Variants in TRIM37 observed in about 807,000 individuals in gnomAD.
The protein encoded by TRIM37 is E3 ubiquitin-protein ligase TRIM37.
TRIM37 carries 80 observed loss-of-function variants against 129.8 expected under a neutral mutation model. The observed-to-expected ratio is 0.62, with a 90% CI of 0.51 to 0.74. TRIM37 has a LOEUF of 0.74. TRIM37 is among the 30% of genes least tolerant of loss of function. TRIM37 has a pLI of 0.00. For synonymous variants in TRIM37, 389 were observed against 387.1 expected (o/e 1.00, Z -0.06); for missense variants, 1,054 against 1,176.5 (o/e 0.90, Z 1.52).
intron 5 of TRIM37, among the ~76,000 whole-genome samples, chr17:59,083,773 T>A (rs182029094): frequency 6.6e-6 from 1 of 152,160 alleles, no homozygotes; most frequent in Non-Finnish European, 1.5e-5. Context: ...ATAGAGGATA[T>A]GTTTTATAGG....
At chr17:58,970,707 A>C in the TRIM37 span, among the ~76,000 whole-genome samples, 1 of 152,152 alleles carries the variant, frequency 6.6e-6, no homozygotes, top group Non-Finnish European at 1.5e-5. Flanking sequence ...CAAATCCAAC[A>C]GTAACCAGTA....
intron 19 of TRIM37, 136 bp from the exon 20 acceptor site, chr17:59,017,560 G>A (rs933120814): frequency 2.8e-5 from 33 of 1,193,496 alleles, no homozygotes; most frequent in Admixed American, 5.6e-5. Flanking sequence ...ACAACATTCT[G>A]TAGCCCCAAT....
intron 17 of TRIM37, among the ~76,000 whole-genome samples, chr17:59,040,061 T>A (rs1202785550): frequency 4.0e-5 from 6 of 151,876 alleles, no homozygotes; most frequent in African/African-American, 1.4e-4. Context: ...AGCCACCACA[T>A]CTGGCTAATT....
chr17:59,062,516 C>G (rs2082635226), intron 11 of TRIM37, 51 bp downstream of exon 11: 1 of 1,471,938 alleles, frequency 6.8e-7, no homozygotes, highest in Non-Finnish European at 9.5e-7. Context: ...CTACAGAACT[C>G]TGAAAGAAAG....
chr17:59,093,928 T>A (rs1213322998), intron 2 of TRIM37, among the ~76,000 whole-genome samples: 1 of 152,116 alleles, frequency 6.6e-6, no homozygotes, highest in Non-Finnish European at 1.5e-5. Context: ...AGAGTCTCAC[T>A]CCCTCCCCCA....
At chr17:59,045,970 C>G (rs148137891) in intron 16 of TRIM37, among the ~76,000 whole-genome samples, 3 of 151,536 alleles carry the variant, frequency 2.0e-5, no homozygotes, top group African/African-American at 7.3e-5. Context: ...GAGCCAAGAT[C>G]GTGACACTGC....
chr17:58,971,750 T>G, the TRIM37 span, among the ~76,000 whole-genome samples: 1 of 152,122 alleles, frequency 6.6e-6, no homozygotes, highest in Non-Finnish European at 1.5e-5. Flanking sequence ...ATATAGAAAT[T>G]TTTACTCTGA....
At chr17:59,065,410 T>C (rs1485722799) in intron 9 of TRIM37, among the ~76,000 whole-genome samples, 1 of 152,182 alleles carries the variant, frequency 6.6e-6, no homozygotes, top group Non-Finnish European at 1.5e-5. Context: ...GGGGCAACTG[T>C]GATGGACTAG....
rs145298946 is a variant in TRIM37 at position 59,000,490 on chromosome 17, A to T, written c.2813-1031T>A. Among the ~76,000 whole-genome samples the T allele has an allele frequency of 1.3e-3, 192 of 152,262 alleles. No individual in the cohort carries two copies. The Middle Eastern group carries it at 0.014, about 11-fold the overall frequency. ...GTGGCACATGCCTGTAGTCCCAGCT[A>T]TTCAGGAGGCTGAGGTGGGAGAATT... On this transcript the variant is annotated intron_variant, in intron 23 of 23. Coordinates refer to ENST00000262294, the MANE Select transcript of TRIM37 (RefSeq NM_015294.6).
chr17:59,012,533 T>A, intron 21 of TRIM37, 87 bp from the exon 22 acceptor site: 1 of 899,598 alleles, frequency 1.1e-6, no homozygotes, highest in Non-Finnish European at 1.8e-6. Context: ...CCAAACTAAG[T>A]AGGGTACGTG....
At position 59,089,896 on chromosome 17, in the gene TRIM37, T is replaced by A. The variant is rs949268644; in HGVS notation, c.164+1404A>T. The A allele has an allele frequency of 2.6e-5, 4 of 152,056 alleles. No homozygotes were observed. In the East Asian group the frequency reaches 7.7e-4, roughly 29 times the overall value. The allele number at this position is 152,056 out of a possible 1,614,324, so 9.4% of individuals were successfully genotyped here. A position where few individuals can be genotyped will look rare whatever the true frequency, so the allele number is the denominator to read the frequency against. ...GGTAGGATCCCTTGAGCCCAGGAAG[T>A]CGAGACCAGTTTGGCCAACACAGTG... On this transcript the variant is annotated intron_variant, in intron 3 of 23. Coordinates refer to ENST00000262294, the MANE Select transcript of TRIM37 (RefSeq NM_015294.6).
intron 19 of TRIM37, among the ~76,000 whole-genome samples, chr17:59,025,454 T>C (rs2037145110): frequency 1.3e-5 from 2 of 150,880 alleles, no homozygotes; most frequent in Non-Finnish European, 2.9e-5. Context: ...TGGATGAATA[T>C]TATTAATACA....
At chr17:59,071,495 C>G (rs1032634355) in intron 8 of TRIM37, among the ~76,000 whole-genome samples, 4 of 152,052 alleles carry the variant, frequency 2.6e-5, no homozygotes, top group African/African-American at 7.2e-5. Flanking sequence ...CCATGTTGGT[C>G]ACACTGGTCT....
the TRIM37 span, among the ~76,000 whole-genome samples, chr17:58,975,302 T>G: frequency 6.6e-6 from 1 of 152,204 alleles, no homozygotes; most frequent in Non-Finnish European, 1.5e-5. Flanking sequence ...AATACCAGCT[T>G]CTTCTTCTAA....
At position 58,998,724 on chromosome 17, in the gene TRIM37, A is replaced by C. The variant is rs2033281452; in HGVS notation, c.*653T>G. On this transcript the variant is annotated 3_prime_UTR_variant, in exon 24 of 24. Transcript: ENST00000262294. Reference sequence around the variant, plus strand: ...CCAGGAACGTAATGAATCCATGTTAACTTAATTTCATTTAAAATTACATTT... The same window carrying C: ...CCAGGAACGTAATGAATCCATGTTACCTTAATTTCATTTAAAATTACATTT... 1.0e-6 allele frequency: 1 copy of C among 985,704 alleles called. No individual in the cohort carries two copies. The highest frequency in any genetic ancestry group is 6.1e-5 in the Admixed American group (1 of 16,318). The allele number at this position is 985,704 out of a possible 1,614,324, so 61.1% of individuals were successfully genotyped here. A position where few individuals can be genotyped will look rare whatever the true frequency, so the allele number is the denominator to read the frequency against.
Position 59,106,628 on chromosome 17 carries a change from C to T in TRIM37, c.-167G>A, listed in dbSNP as rs966982221. ...GCGCGCCCCATCTCTTCAGGTCCAG[C>T]GCCGCCTACCCCCATTTCGCCATTT... On this transcript the variant is annotated 5_prime_UTR_variant, in exon 1 of 24. Coordinates refer to ENST00000262294, the MANE Select transcript of TRIM37 (RefSeq NM_015294.6). 5.2e-6 allele frequency: 4 copies of T among 764,898 alleles called. No individual in the cohort carries two copies. The East Asian group carries it at 8.1e-5, about 16-fold the overall frequency. 47.4% of individuals were successfully genotyped at this position (764,898 alleles called of 1,614,324 possible).
chr17:58,971,617 T>C, the TRIM37 span, among the ~76,000 whole-genome samples: 1 of 152,222 alleles, frequency 6.6e-6, no homozygotes, highest in African/African-American at 2.4e-5. Flanking sequence ...CTTGGCCCCT[T>C]AGCTTAATTT....
Position 59,028,549 on chromosome 17 carries a change from T to C in TRIM37, c.2123A>G (p.Asp708Gly). ...EIKSSSAASG[D>G]MQTSLFSADQ... ...AGCAGAAAAAAGGCTTGTCTGCATG[T>C]CTCCAGAAGCAGCACTGCTGCTTTT... Residue 708 changes from aspartate (D) to glycine (G), a missense_variant, in exon 19 of 24, where the codon GAC (aspartate) becomes GGC (glycine). Physicochemically the swap from Asp to Gly is moderately conservative, Grantham distance 94. This residue lies in a region of TRIM37 where 752 missense variants were observed against 870.8 expected (regional missense o/e 0.86). Transcript: ENST00000262294. 1 of 1,614,236 alleles carries C rather than the reference T, an allele frequency of 6.2e-7. No homozygotes were observed. The highest frequency in any genetic ancestry group is 2.2e-5 in the East Asian group (1 of 44,884).
the TRIM37 span, chr17:58,969,820 C>A: frequency 8.4e-7 from 1 of 1,194,466 alleles, no homozygotes; most frequent in Non-Finnish European, 1.2e-6. Flanking sequence ...TTTTCTCTTT[C>A]TGGGCAGACA....
Sources: gnomAD v4.1 joint callset for allele counts (sites outside exome capture counted in the v4.1 genomes callset) on GRCh38, gnomAD v4.1.1 for gene constraint, gnomAD v4.1.1 regional missense constraint, MANE v1.5 for transcripts, NCBI Gene and HGNC (gene_info 2026-07-23, HGNC 2026-07-21) for gene names.